EVA1C: variants seen among roughly 807,000 people sequenced by gnomAD.
The protein encoded by EVA1C is protein eva-1 homolog C.
In EVA1C, 25 loss-of-function variants were observed where a neutral mutation model predicts 45.4. That is an observed-to-expected ratio of 0.55 (90% CI 0.40 to 0.77). The LOEUF (loss-of-function observed/expected upper bound fraction) is 0.77. EVA1C is among the 30% of genes least tolerant of loss of function. The pLI is 0.00. For synonymous variants in EVA1C, 190 were observed against 221.2 expected, an observed-to-expected ratio of 0.86 and a Z score of 1.25; for missense variants, 479 against 554.8, an observed-to-expected ratio of 0.86 and a Z score of 1.37.
chr21:32,470,144 G>A (rs376714315), intron 4 of EVA1C, among the ~76,000 whole-genome samples: 2 of 90,806 alleles, frequency 2.2e-5, no homozygotes, highest in East Asian at 3.0e-4. Context: ...TGTGTGGATC[G>A]CAGGTGAAAT....
chr21:32,466,720 T>G (rs1191214048), intron 3 of EVA1C, among the ~76,000 whole-genome samples: 1 of 152,186 alleles, frequency 6.6e-6, no homozygotes, highest in Non-Finnish European at 1.5e-5. Context: ...GGGCAGACTT[T>G]TCATGCTTCT....
intron 1 of EVA1C, among the ~76,000 whole-genome samples, chr21:32,443,612 GA>G (rs895156222): frequency 6.0e-5 from 9 of 150,944 alleles, no homozygotes; most frequent in African/African-American, 1.2e-4. Context: ...TTATGGTAAA[GA>G]AAAAAAAAGA....
At chr21:32,416,070 T>G (rs1331966747) in intron 1 of EVA1C, among the ~76,000 whole-genome samples, 2 of 152,116 alleles carry the variant, frequency 1.3e-5, no homozygotes, top group Non-Finnish European at 2.9e-5. Context: ...TGAGGATGAG[T>G]GCTGAGAGGA....
In EVA1C at chr21:32,476,941, TG is replaced by T. The variant is rs2036589900; in HGVS notation, c.634+9094del. On this transcript the variant is annotated intron_variant, in intron 4 of 7. Transcript: ENST00000300255. ...TATGAAGCCCTAAGCTGGTCCCAACTGAACTGCATCAGGGCAGGCACGGAGG... is the reference window on the plus strand; with the variant it reads ...TATGAAGCCCTAAGCTGGTCCCAACTAACTGCATCAGGGCAGGCACGGAGG... 2.0e-5 allele frequency among the ~76,000 whole-genome samples: 3 copies of T among 152,066 alleles called. No individual in the cohort carries two copies. The South Asian group carries it at 6.2e-4, about 31-fold the overall frequency.
Position 32,503,940 on chromosome 21 carries a change from C to T in EVA1C, c.874C>T (p.Pro292Ser), listed in dbSNP as rs267606104. 1 of 1,610,706 alleles carries T rather than the reference C, an allele frequency of 6.2e-7. No homozygotes were observed. ...KDGEYGINFDPSGSKVLRKDG... is the reference protein window; with the variant it reads ...KDGEYGINFDSSGSKVLRKDG... ...TCATGAAACAGGTATAAACTTCGAC[C>T]CAAGCGGATCGAAGGTTCTGAGGAA... The change falls in exon 7 of 8, where the codon CCA (proline) becomes TCA (serine). Residue 292 changes from proline to serine, a missense_variant. Pro to Ser is a moderately conservative substitution (Grantham distance 74). Coordinates refer to ENST00000300255, the MANE Select transcript of EVA1C (RefSeq NM_058187.5).
At chr21:32,478,660 A>G (rs1211253599) in intron 4 of EVA1C, among the ~76,000 whole-genome samples, 1 of 152,272 alleles carries the variant, frequency 6.6e-6, no homozygotes, top group African/African-American at 2.4e-5. Flanking sequence ...ACTGGTGACC[A>G]ATGAACACCA....
intron 4 of EVA1C, among the ~76,000 whole-genome samples, chr21:32,475,933 A>ATG (rs2036547327): frequency 6.6e-6 from 1 of 151,062 alleles, no homozygotes; most frequent in Non-Finnish European, 1.5e-5. Context: ...CTATCTATAT[A>ATG]AACAGGAATG....
At chr21:32,476,182 A>G (rs1361074946) in intron 4 of EVA1C, among the ~76,000 whole-genome samples, 5 of 148,674 alleles carry the variant, frequency 3.4e-5, no homozygotes, top group Non-Finnish European at 7.4e-5. Flanking sequence ...GATTTATTTT[A>G]TGAGTTCTTG....
chr21:32,512,194 C>G lies in EVA1C; in HGVS notation c.950-2620C>G, dbSNP rs533520166. On this transcript the variant is annotated intron_variant, in intron 7 of 7. Transcript: ENST00000300255. ...AGCACAGGTTAGACACAGGTGTGGT[C>G]AAGGCCTCGCTCCTATACGGGTGTG... 6.4e-4 allele frequency among the ~76,000 whole-genome samples: 98 copies of G among 152,210 alleles called. 1 individual carries two copies. Among genetic ancestry groups the G allele is most frequent in the African/African-American group, 2.0e-3 (82 of 41,522 alleles).
intron 4 of EVA1C, among the ~76,000 whole-genome samples, chr21:32,471,693 A>C (rs1036913607): frequency 1.4e-5 from 2 of 148,022 alleles, no homozygotes; most frequent in African/African-American, 5.0e-5. Flanking sequence ...CAGCGGTGCG[A>C]TCTCAGCTCA....
intron 4 of EVA1C, among the ~76,000 whole-genome samples, chr21:32,492,801 G>A (rs1309716633): frequency 6.6e-6 from 1 of 151,282 alleles, no homozygotes; most frequent in Non-Finnish European, 1.5e-5. Flanking sequence ...TGTTTCCCCA[G>A]CCCTGCAGCT....
intron 1 of EVA1C, among the ~76,000 whole-genome samples, chr21:32,423,001 G>A (rs1163349222): frequency 7.0e-6 from 1 of 143,768 alleles, no homozygotes; most frequent in Non-Finnish European, 1.5e-5. Context: ...AACATGGGAG[G>A]TGGAAGTTGC....
chr21:32,489,184 T>G (rs77142120), intron 4 of EVA1C, among the ~76,000 whole-genome samples: 103 of 152,296 alleles, frequency 6.8e-4, no homozygotes, highest in Non-Finnish European at 1.3e-3. Context: ...GGTCAAGGAG[T>G]TTTCCCCCTG....
chr21:32,434,360 G>T (rs1292877065), intron 1 of EVA1C, among the ~76,000 whole-genome samples: 1 of 151,780 alleles, frequency 6.6e-6, no homozygotes, highest in Non-Finnish European at 1.5e-5. Context: ...GGGAGGCCGA[G>T]ATGGGCGGAT....
At chr21:32,450,099 C>A (rs191748808) in intron 1 of EVA1C, among the ~76,000 whole-genome samples, 2 of 152,200 alleles carry the variant, frequency 1.3e-5, no homozygotes, top group Non-Finnish European at 1.5e-5. Context: ...ATACCACTCT[C>A]AGAATAAGAA....
intron 4 of EVA1C, 161 bp downstream of exon 4, chr21:32,468,009 C>CCTAT: frequency 2.7e-6 from 1 of 368,544 alleles, no homozygotes; most frequent in Non-Finnish European, 4.5e-6. Context: ...AATAAACTCC[C>CCTAT]GTGTGTGTGT....
At chr21:32,480,969 A>T (rs532880771) in intron 4 of EVA1C, among the ~76,000 whole-genome samples, 11 of 152,098 alleles carry the variant, frequency 7.2e-5, no homozygotes, top group African/African-American at 2.2e-4. Context: ...CTCAAAAAAA[A>T]AAAAATAAAT....
At chr21:32,431,037 C>A (rs531798907) in intron 1 of EVA1C, among the ~76,000 whole-genome samples, 2 of 140,422 alleles carry the variant, frequency 1.4e-5, no homozygotes, top group Non-Finnish European at 3.1e-5. Flanking sequence ...GAAAGACCCA[C>A]CCCATGATTC....
chr21:32,459,027 A>G (rs2035897308), intron 3 of EVA1C, among the ~76,000 whole-genome samples: 1 of 152,056 alleles, frequency 6.6e-6, no homozygotes, highest in African/African-American at 2.4e-5. Flanking sequence ...CAGGGCCCAG[A>G]TACGTCAAAG....
Sources: allele counts gnomAD v4.1 joint callset (sites outside exome capture counted in the v4.1 genomes callset), GRCh38; gene constraint gnomAD v4.1.1; transcripts MANE v1.5; gene names NCBI Gene and HGNC (gene_info 2026-07-23, HGNC 2026-07-21).